The following PDE10A variants were observed in gnomAD, a reference collection of about 807,000 sequenced individuals.
The protein encoded by PDE10A is phosphodiesterase 10A.
A neutral mutation model predicts 97.7 loss-of-function variants in PDE10A; 39 were observed. The observed-to-expected ratio is 0.40, with a 90% CI of 0.31 to 0.52. The LOEUF is 0.52. Among genes scored for constraint, PDE10A ranks in the 20% least tolerant of loss-of-function variants. The pLI is 0.56. For missense variants in PDE10A, 731 were observed against 1,047.8 expected (o/e 0.70, Z 4.17); for synonymous variants, 371 against 376.8 (o/e 0.98, Z 0.18).
rs540205120 is a variant in PDE10A, at chr6:165,399,922, A to G, written c.2077-3463T>C. On this transcript the variant is annotated intron_variant, in intron 13 of 21. Transcript: ENST00000539869. The stretch of plus-strand genomic sequence containing the variant: ...TGTCTTTATAGCAGCATGATTTATA[A>G]TCCTTTGGGTATATACCCAGTAATG... 2.6e-5 allele frequency among the ~76,000 whole-genome samples: 4 copies of G among 152,286 alleles called. No individual in the cohort carries two copies. In the East Asian group the frequency reaches 5.8e-4, roughly 22 times the overall value.
chr6:165,558,663 T>C (rs758875837), intron 1 of PDE10A, among the ~76,000 whole-genome samples: 1 of 152,224 alleles, frequency 6.6e-6, no homozygotes, highest in Admixed American at 6.5e-5. Context: ...TTACTATTTA[T>C]ATTTCCCCAA....
intron 19 of PDE10A, among the ~76,000 whole-genome samples, chr6:165,339,745 G>A (rs563577655): frequency 6.6e-6 from 1 of 152,322 alleles, no homozygotes; most frequent in Non-Finnish European, 1.5e-5. Flanking sequence ...GTGAAGTTTG[G>A]CTTTCCAGAG....
chr6:165,431,790 A>C (rs1043645033), intron 7 of PDE10A, among the ~76,000 whole-genome samples: 2 of 151,810 alleles, frequency 1.3e-5, no homozygotes, highest in African/African-American at 2.4e-5. Flanking sequence ...CATCTATTTA[A>C]CTGACTTTAA....
intron 18 of PDE10A, among the ~76,000 whole-genome samples, chr6:165,374,424 T>C (rs928862908): frequency 6.6e-6 from 1 of 151,756 alleles, no homozygotes; most frequent in Admixed American, 6.6e-5. Context: ...TAACAGAAAA[T>C]TTTAATATCC....
chr6:165,744,479 A>G (rs1019691530), intron 1 of PDE10A, among the ~76,000 whole-genome samples: 1 of 152,188 alleles, frequency 6.6e-6, no homozygotes, highest in Non-Finnish European at 1.5e-5. Context: ...AATAATACTG[A>G]TATTAATATC....
chr6:165,987,391 C>A (rs967761647), intron 1 of PDE10A: 10 of 317,522 alleles, frequency 3.1e-5, no homozygotes, highest in Non-Finnish European at 6.1e-5. Flanking sequence ...CACGCGCACA[C>A]GTTTTCTTAT....
chr6:165,917,296 G>T (rs1051451246), intron 1 of PDE10A, among the ~76,000 whole-genome samples: 3 of 141,084 alleles, frequency 2.1e-5, no homozygotes, highest in South Asian at 2.2e-4. Flanking sequence ...GGCGTACAGC[G>T]GTCTCACTGC....
chr6:165,545,280 A>G (rs555261680), intron 1 of PDE10A: 1 of 479,270 alleles, frequency 2.1e-6, no homozygotes, highest in African/African-American at 2.0e-5. Context: ...ACATATTTTT[A>G]ATCTCCAGTC....
chr6:165,529,310 GTAT>G (rs1408644496), intron 2 of PDE10A, among the ~76,000 whole-genome samples: 1 of 152,188 alleles, frequency 6.6e-6, no homozygotes. Context: ...GCATCTCTTA[GTAT>G]TACCATGCCC....
chr6:165,605,844 C>T (rs1344361463), intron 1 of PDE10A, among the ~76,000 whole-genome samples: 1 of 152,138 alleles, frequency 6.6e-6, no homozygotes, highest in African/African-American at 2.4e-5. Context: ...TTGTCCAAGA[C>T]CACATAATGA....
chr6:165,411,392 G>C (rs1172294121), intron 13 of PDE10A, among the ~76,000 whole-genome samples: 3 of 152,138 alleles, frequency 2.0e-5, no homozygotes, highest in Non-Finnish European at 4.4e-5. Flanking sequence ...CATATGACTA[G>C]TGTCTTCATA....
intron 1 of PDE10A, among the ~76,000 whole-genome samples, chr6:165,830,481 C>A (rs775825894): frequency 6.6e-6 from 1 of 152,132 alleles, no homozygotes; most frequent in Non-Finnish European, 1.5e-5. Context: ...ATGAGGATCT[C>A]GGTGGGGATC....
rs145525745 is a variant in PDE10A at position 165,707,812 on chromosome 6, C to T, written c.-614-164244G>A. ...GTTTATGTGTGTGTGTCTGCAGCTT[C>T]CTGGGTGCTCTTTTCCTTTAGGGGA... On this transcript the variant is annotated intron_variant, in intron 1 of 19. Coordinates refer to the PDE10A transcript ENST00000366882. 7.6e-3 allele frequency among the ~76,000 whole-genome samples: 1,149 copies of T among 152,150 alleles called. 7 individuals carry two copies. Among genetic ancestry groups the T allele is most frequent in the Admixed American group, 0.012 (185 of 15,268 alleles).
At chr6:165,406,485 C>T (rs755410644) in intron 13 of PDE10A, among the ~76,000 whole-genome samples, 2 of 152,072 alleles carry the variant, frequency 1.3e-5, no homozygotes, top group Non-Finnish European at 2.9e-5. Flanking sequence ...TTCTGTTAAT[C>T]GATTCCAAAC....
At chr6:165,665,462 A>G (rs945411341), upstream of PDE10A, among the ~76,000 whole-genome samples, 2 of 152,198 alleles carry the variant, frequency 1.3e-5, no homozygotes, top group Non-Finnish European at 2.9e-5. Context: ...CCTTTTGTGA[A>G]TAAACGCACC....
chr6:165,742,712 G>A (rs1792756627), intron 1 of PDE10A, among the ~76,000 whole-genome samples: 1 of 152,134 alleles, frequency 6.6e-6, no homozygotes, highest in Non-Finnish European at 1.5e-5. Context: ...GGAAGGTCCT[G>A]TCCTGTAGAT....
intron 5 of PDE10A, among the ~76,000 whole-genome samples, chr6:165,441,244 T>C (rs1392698370): frequency 3.9e-5 from 6 of 152,208 alleles, no homozygotes; most frequent in Admixed American, 2.0e-4. Flanking sequence ...CCCCATCGAA[T>C]TCATGGTCAC....
At chr6:165,652,937 C>G (rs1301520253) in intron 1 of PDE10A, among the ~76,000 whole-genome samples, 1 of 152,206 alleles carries the variant, frequency 6.6e-6, no homozygotes, top group Non-Finnish European at 1.5e-5. Flanking sequence ...CCCATCAACT[C>G]AGGGTGGCTG....
chr6:165,618,654 T>C (rs1787835935), intron 1 of PDE10A, among the ~76,000 whole-genome samples: 2 of 152,162 alleles, frequency 1.3e-5, no homozygotes, highest in South Asian at 4.2e-4. Flanking sequence ...AAGGGGGTAG[T>C]TGGTACTGAC....
Sources: allele counts gnomAD v4.1 joint callset (sites outside exome capture counted in the v4.1 genomes callset), GRCh38; gene constraint gnomAD v4.1.1; transcripts MANE v1.5; gene names NCBI Gene and HGNC (gene_info 2026-07-23, HGNC 2026-07-21).